Variants in CDH8 observed in about 807,000 individuals in gnomAD.
CDH8 encodes the protein cadherin-8.
In CDH8, 17 loss-of-function variants were observed where a neutral mutation model predicts 68.1. That is an observed-to-expected ratio of 0.25 (90% CI 0.17 to 0.37). The LOEUF (loss-of-function observed/expected upper bound fraction) is 0.37, where lower values mean the gene tolerates loss of function less well. CDH8 is among the 10% of genes least tolerant of loss of function. CDH8 has a pLI of 1.00. For missense variants in CDH8, 763 were observed against 999.3 expected (o/e 0.76, Z 3.19); for synonymous variants, 372 against 365.1 (o/e 1.02, Z -0.21).
At chr16:61,902,550 C>G (rs931617319) in intron 2 of CDH8, among the ~76,000 whole-genome samples, 1 of 149,952 alleles carries the variant, frequency 6.7e-6, no homozygotes, top group African/African-American at 2.5e-5. Context: ...CAATATAGTT[C>G]CAGTTGAGAT....
At position 61,883,453 on chromosome 16, in the gene CDH8, C is replaced by T. The variant is rs77324708; in HGVS notation, c.547+17726G>A. On this transcript the variant is annotated intron_variant, in intron 3 of 11. Coordinates refer to ENST00000577390, the MANE Select transcript of CDH8 (RefSeq NM_001796.5). ...TTGGGGATACGACTTAAGCAGGCAA[C>T]ATTGTCTATAAAAAAGTTAATGATA... 1.9e-4 allele frequency among the ~76,000 whole-genome samples: 29 copies of T among 151,992 alleles called. No homozygotes were observed. In the East Asian group the frequency reaches 5.4e-3, roughly 28 times the overall value.
chr16:61,795,266 G>A (rs1438948599), intron 7 of CDH8, among the ~76,000 whole-genome samples: 1 of 151,922 alleles, frequency 6.6e-6, no homozygotes, highest in Admixed American at 6.6e-5. Flanking sequence ...AATTTCTCAG[G>A]CATCATGATT....
At position 61,651,882 on chromosome 16, in the gene CDH8, A is replaced by G. The variant is rs62045332; in HGVS notation, c.*1726T>C. The stretch of plus-strand genomic sequence containing the variant: ...CCATTTCTCTTCTCTGTTTCTCTAT[A>G]ATAAAGAGTCTTACAAACAAAAGTG... On this transcript the variant is annotated 3_prime_UTR_variant, in exon 12 of 12. Coordinates refer to ENST00000577390, the MANE Select transcript of CDH8 (RefSeq NM_001796.5). 21,765 of 160,972 alleles carry G rather than the reference A, an allele frequency of 0.14. 1,634 individuals are homozygous for G. Among genetic ancestry groups the G allele is most frequent in the African/African-American group, 0.2 (8,309 of 41,598 alleles). 10.0% of individuals were successfully genotyped at this position (160,972 alleles called of 1,614,324 possible).
At chr16:61,736,084 A>T (rs906187542) in intron 8 of CDH8, among the ~76,000 whole-genome samples, 1 of 150,548 alleles carries the variant, frequency 6.6e-6, no homozygotes, top group African/African-American at 2.4e-5. Context: ...AGACAAATGA[A>T]AAACAAGAAA....
intron 4 of CDH8, among the ~76,000 whole-genome samples, chr16:61,839,440 A>G (rs984386144): frequency 6.6e-6 from 1 of 152,202 alleles, no homozygotes; most frequent in African/African-American, 2.4e-5. Flanking sequence ...ATGTATTCAA[A>G]TGATCTGGTA....
chr16:61,799,380 T>C (rs1961568027), intron 7 of CDH8, among the ~76,000 whole-genome samples: 1 of 152,202 alleles, frequency 6.6e-6, no homozygotes, highest in East Asian at 1.9e-4. Flanking sequence ...TTTAATAATA[T>C]ATTTAATGCA....
chr16:61,848,584 GACA>G lies in CDH8; in HGVS notation c.667+8532_667+8534del, dbSNP rs74445703. Reference sequence around the variant, plus strand: ...TTCATATATTGTATCTTCCACAGAAGACAACAAATGGGAAAATAAGTGATTGTT... The same window carrying G: ...TTCATATATTGTATCTTCCACAGAAGACAAATGGGAAAATAAGTGATTGTT... On this transcript the variant is annotated intron_variant, in intron 4 of 11. Coordinates refer to ENST00000577390, the MANE Select transcript of CDH8 (RefSeq NM_001796.5). 2.2e-3 allele frequency among the ~76,000 whole-genome samples: 334 copies of G among 152,138 alleles called. 6 individuals are homozygous for G. The highest frequency in any genetic ancestry group is 0.021 in the East Asian group (111 of 5,166).
At chr16:61,937,172 T>C (rs777353050) in intron 2 of CDH8, among the ~76,000 whole-genome samples, 13 of 152,186 alleles carry the variant, frequency 8.5e-5, no homozygotes, top group Non-Finnish European at 1.3e-4. Flanking sequence ...AGTTAGTGAG[T>C]CTTCTCTGTG....
chr16:61,672,483 C>T (rs1229790312), intron 10 of CDH8, among the ~76,000 whole-genome samples: 1 of 151,920 alleles, frequency 6.6e-6, no homozygotes, highest in Non-Finnish European at 1.5e-5. Flanking sequence ...AATTAAGGAA[C>T]TGAAGATGAA....
At chr16:61,907,016 C>T (rs1157009703) in intron 2 of CDH8, among the ~76,000 whole-genome samples, 1 of 152,164 alleles carries the variant, frequency 6.6e-6, no homozygotes, top group Non-Finnish European at 1.5e-5. Flanking sequence ...AGAGTAAGAA[C>T]CCTGGTCTTC....
intron 2 of CDH8, among the ~76,000 whole-genome samples, chr16:61,967,464 G>T (rs1223878684): frequency 6.6e-6 from 1 of 152,176 alleles, no homozygotes; most frequent in Non-Finnish European, 1.5e-5. Flanking sequence ...GAAATGCTTA[G>T]CACCAGGAGG....
intron 5 of CDH8, among the ~76,000 whole-genome samples, chr16:61,822,237 T>TTTTTTTTTTG (rs1962232934): frequency 8.4e-6 from 1 of 118,720 alleles, no homozygotes; most frequent in African/African-American, 3.5e-5. Context: ...TTTTTTTTTT[T>TTTTTTTTTTG]TTTTTTTTGG....
chr16:61,802,119 G>A (rs887018514), intron 7 of CDH8, among the ~76,000 whole-genome samples: 4 of 136,026 alleles, frequency 2.9e-5, no homozygotes, highest in Non-Finnish European at 4.7e-5. Flanking sequence ...CTGGAGATCT[G>A]AGAACGGGCA....
intron 2 of CDH8, among the ~76,000 whole-genome samples, chr16:61,990,662 A>T (rs933509072): frequency 9.9e-5 from 15 of 152,142 alleles, no homozygotes; most frequent in African/African-American, 3.4e-4. Flanking sequence ...AATTATTTTT[A>T]AAAATTAAAT....
intron 2 of CDH8, among the ~76,000 whole-genome samples, chr16:61,974,249 A>G (rs1456213928): frequency 6.6e-6 from 1 of 152,226 alleles, no homozygotes; most frequent in Non-Finnish European, 1.5e-5. Flanking sequence ...GATGAGTTTC[A>G]GTAGACATCT....
chr16:61,842,839 TTACA>T (rs1252512917), intron 4 of CDH8, among the ~76,000 whole-genome samples: 2 of 152,184 alleles, frequency 1.3e-5, no homozygotes, highest in African/African-American at 4.8e-5. Context: ...ATTTTCGCTC[TTACA>T]TAAATATTTG....
Position 61,648,206 on chromosome 16 carries a change from G to A in CDH8, c.*5402C>T, listed in dbSNP as rs533764355. The A allele has an allele frequency of 3.4e-5, 6 of 178,846 alleles. No homozygotes were observed. The South Asian group carries it at 7.2e-4, about 21-fold the overall frequency. 11.1% of individuals were successfully genotyped at this position (178,846 alleles called of 1,614,324 possible). A position where few individuals can be genotyped will look rare whatever the true frequency, so the allele number is the denominator to read the frequency against. On this transcript the variant is annotated 3_prime_UTR_variant, in exon 12 of 12. Transcript: ENST00000577390. Reference sequence around the variant, plus strand: ...TTTAACCCTGAAAATTCCTTATAACGTTTCTGAACTTCATTTTTCCTATCC... The same window carrying A: ...TTTAACCCTGAAAATTCCTTATAACATTTCTGAACTTCATTTTTCCTATCC...
intron 9 of CDH8, among the ~76,000 whole-genome samples, chr16:61,724,076 T>C (rs183448868): frequency 3.4e-4 from 51 of 150,882 alleles, no homozygotes; most frequent in Non-Finnish European, 6.6e-4. Context: ...TCTAATCAAA[T>C]GTGATTCAGG....
At position 61,935,430 on chromosome 16, in the gene CDH8, C is replaced by G. The variant is rs147427761; in HGVS notation, c.253-33957G>C. On this transcript the variant is annotated intron_variant, in intron 2 of 11. Coordinates refer to ENST00000577390, the MANE Select transcript of CDH8 (RefSeq NM_001796.5). ...AATGATGAGTAGCAATAGCATATAG[C>G]TGAAAATAAATATCTACAACTGTTT... 6.8e-3 allele frequency among the ~76,000 whole-genome samples: 1,038 copies of G among 152,206 alleles called. 12 individuals carry two copies. The highest frequency in any genetic ancestry group is 0.024 in the African/African-American group (1,000 of 41,540).
Sources: allele counts gnomAD v4.1 joint callset (sites outside exome capture counted in the v4.1 genomes callset), GRCh38; gene constraint gnomAD v4.1.1; transcripts MANE v1.5; gene names NCBI Gene and HGNC (gene_info 2026-07-23, HGNC 2026-07-21).